Variants in ZNF331 observed in about 807,000 individuals in gnomAD.
ZNF331 encodes the protein zinc finger protein 331.
Under a neutral mutation model 7.0 loss-of-function variants are expected in ZNF331, and 2 were observed. That is an observed-to-expected ratio of 0.29 (90% CI 0.12 to 0.90). The LOEUF (loss-of-function observed/expected upper bound fraction) is 0.90, where lower values mean the gene tolerates loss of function less well. Ranked by LOEUF, ZNF331 falls within the 40% of genes least tolerant of loss-of-function variation. The pLI, the probability that ZNF331 is intolerant of heterozygous loss-of-function variation, is 0.58. For missense variants in ZNF331, 432 were observed against 587.7 expected, an observed-to-expected ratio of 0.74 and a Z score of 2.74; for synonymous variants, 196 against 205.4, an observed-to-expected ratio of 0.95 and a Z score of 0.39.
At chr19:53,542,850 C>T (rs1358669897) in intron 2 of ZNF331, among the ~76,000 whole-genome samples, 1 of 152,242 alleles carries the variant, frequency 6.6e-6, no homozygotes, top group African/African-American at 2.4e-5. Flanking sequence ...GCTCTGGTTG[C>T]CTAGGCTGGA....
intron 2 of ZNF331, among the ~76,000 whole-genome samples, chr19:53,553,356 G>C (rs1170952686): frequency 6.6e-6 from 1 of 151,748 alleles, no homozygotes; most frequent in African/African-American, 2.4e-5. Context: ...ATGTCATTGT[G>C]AATGTCCTGG....
intron 2 of ZNF331, among the ~76,000 whole-genome samples, chr19:53,549,794 C>G (rs1258304951): frequency 1.3e-5 from 2 of 150,866 alleles, no homozygotes; most frequent in Admixed American, 6.6e-5. Context: ...TCCTTCCTTC[C>G]TATCTTTAGA....
rs2088011698 is a variant in ZNF331 at position 53,539,796 on chromosome 19, A to G, written c.-138+514A>G. On this transcript the variant is annotated intron_variant, in intron 2 of 5. Transcript: ENST00000449416. The surrounding 1 kb of genome is among the most constrained non-coding windows in gnomAD (Gnocchi z 6.1). Reference sequence around the variant, plus strand: ...ACATGCCCCAAAGACATTTAGACCCATTGGTCTACAATCGAAGGCTGTGTA... The same window carrying G: ...ACATGCCCCAAAGACATTTAGACCCGTTGGTCTACAATCGAAGGCTGTGTA... 6.6e-6 allele frequency among the ~76,000 whole-genome samples: 1 copy of G among 152,314 alleles called. No individual in the cohort carries two copies. The highest frequency in any genetic ancestry group is 2.1e-4 in the South Asian group (1 of 4,818).
chr19:53,554,127 A>T (rs1301744212), intron 2 of ZNF331, among the ~76,000 whole-genome samples: 2 of 152,140 alleles, frequency 1.3e-5, no homozygotes, highest in African/African-American at 4.8e-5. Context: ...GGGCCTGAGT[A>T]GGGCATTCGC....
At chr19:53,555,462 T>C (rs1015579830) in intron 2 of ZNF331, 15 of 152,686 alleles carry the variant, frequency 9.8e-5, no homozygotes, top group African/African-American at 3.6e-4. Context: ...TCTCTGCTGC[T>C]TCCCCTGCCT....
At chr19:53,551,872 C>T (rs550041985) in intron 2 of ZNF331, among the ~76,000 whole-genome samples, 5 of 152,144 alleles carry the variant, frequency 3.3e-5, no homozygotes, top group Admixed American at 2.6e-4. Flanking sequence ...CTGAAGCATT[C>T]GAGGATTTTG....
intron 2 of ZNF331, among the ~76,000 whole-genome samples, chr19:53,541,556 C>G (rs922067002): frequency 1.6e-4 from 25 of 152,278 alleles, no homozygotes; most frequent in Middle Eastern, 3.4e-3. Flanking sequence ...CTTCCCACCT[C>G]GGCCTCTCAA....
the ZNF331 span, among the ~76,000 whole-genome samples, chr19:53,506,015 C>T: frequency 5.9e-5 from 9 of 151,368 alleles, no homozygotes; most frequent in Non-Finnish European, 8.8e-5. Context: ...AAAAGTGCAG[C>T]GCAGACCATG....
In ZNF331 at chr19:53,578,487, A is replaced by G. The variant is rs2067067212; in HGVS notation, c.*535A>G. ...ACGTTCACATAATTTTATTACATAT[A>G]TTGTTACAATTGTTCTATTTTGTTA... On this transcript the variant is annotated 3_prime_UTR_variant, in exon 6 of 6. Transcript: ENST00000449416. The G allele has an allele frequency of 4.4e-6, 1 of 225,516 alleles. No homozygotes were observed. The highest frequency in any genetic ancestry group is 1.8e-4 in the South Asian group (1 of 5,684). 14.0% of individuals were successfully genotyped at this position (225,516 alleles called of 1,614,324 possible).
At chr19:53,565,820 T>C (rs760663188) in intron 3 of ZNF331, among the ~76,000 whole-genome samples, 4 of 152,064 alleles carry the variant, frequency 2.6e-5, no homozygotes, top group Non-Finnish European at 4.4e-5. Flanking sequence ...TGAGCCACCA[T>C]GGCTAGGAGT....
In ZNF331 at chr19:53,577,038, G is replaced by C. The variant is rs978857222; in HGVS notation, c.478G>C (p.Glu160Gln). The C allele has an allele frequency of 9.9e-6, 16 of 1,613,618 alleles. No individual in the cohort carries two copies. The highest frequency in any genetic ancestry group is 7.7e-5 in the South Asian group (7 of 91,060). Reference sequence around the variant, plus strand: ...AATCCATACTGGTGAGAAACCTTATGAATGTAAAGAATGTAAGAAGGCCTT... The same window carrying C: ...AATCCATACTGGTGAGAAACCTTATCAATGTAAAGAATGTAAGAAGGCCTT... Reference protein sequence around the residue: ...QKIHTGEKPYECKECKKAFRW... With the variant: ...QKIHTGEKPYQCKECKKAFRW... Residue 160 changes from glutamate to glutamine, a missense_variant, in exon 6 of 6, where the codon GAA (glutamate) becomes CAA (glutamine). By Grantham distance (29) the Glu-to-Gln change is conservative. This residue lies in a region of ZNF331 where 312 missense variants were observed against 448.6 expected (regional missense o/e 0.70). Transcript: ENST00000449416.
chr19:53,559,862 TACAC>T (rs1368666067), intron 3 of ZNF331, among the ~76,000 whole-genome samples: 8 of 150,164 alleles, frequency 5.3e-5, no homozygotes, highest in East Asian at 2.0e-4. Context: ...ATACATACCA[TACAC>T]ACACGAGCAT....
upstream of ZNF331, among the ~76,000 whole-genome samples, chr19:53,519,830 C>T (rs1279135401): frequency 6.6e-6 from 1 of 152,146 alleles, no homozygotes; most frequent in African/African-American, 2.4e-5. Flanking sequence ...GCTCCCCAAT[C>T]TACTGGGGGG....
At chr19:53,527,183 T>C (rs1426530023) in intron 2 of ZNF331, among the ~76,000 whole-genome samples, 1 of 150,336 alleles carries the variant, frequency 6.7e-6, no homozygotes, top group Non-Finnish European at 1.5e-5. Flanking sequence ...TCTTAAAAAA[T>C]AAAAAAAAGG....
At chr19:53,543,388 G>C (rs8108853) in intron 2 of ZNF331, among the ~76,000 whole-genome samples, 3,215 of 152,180 alleles carry the variant, frequency 0.021, 115 homozygotes, top group African/African-American at 0.075. Context: ...TCAACCTCCT[G>C]AGTAGCTGGG....
At chr19:53,566,366 C>T (rs937226834) in intron 3 of ZNF331, among the ~76,000 whole-genome samples, 16 of 152,080 alleles carry the variant, frequency 1.1e-4, no homozygotes, top group Non-Finnish European at 1.5e-4. Flanking sequence ...GATCTCGGCT[C>T]GCTGCAACCT....
Position 53,576,678 on chromosome 19 carries a change from A to G in ZNF331, c.137-19A>G, listed in dbSNP as rs564775772. On this transcript the variant is annotated intron_variant, in intron 5 of 5. Coordinates refer to ENST00000449416, the MANE Select transcript of ZNF331 (RefSeq NM_001079906.2). ...CTTGTGTCCCTCTAAAGGAAAGAAA[A>G]TATGTTCTTTTTTCCCAGATTTGGA... 6.3e-7 allele frequency: 1 copy of G among 1,581,840 alleles called. No individual in the cohort carries two copies. The highest frequency in any genetic ancestry group is 1.4e-5 in the African/African-American group (1 of 73,268).
upstream of ZNF331, among the ~76,000 whole-genome samples, chr19:53,518,033 G>C (rs1369980191): frequency 6.6e-6 from 1 of 152,226 alleles, no homozygotes; most frequent in East Asian, 1.9e-4. Context: ...GTATCTGTGA[G>C]GGTGTTGCCA....
At chr19:53,576,342 T>C (rs1216706659) in intron 5 of ZNF331, among the ~76,000 whole-genome samples, 1 of 152,252 alleles carries the variant, frequency 6.6e-6, no homozygotes, top group Non-Finnish European at 1.5e-5. Flanking sequence ...AGTTTCAGAA[T>C]GCTTTACACA....
Sources: gnomAD v4.1 joint callset for allele counts (sites outside exome capture counted in the v4.1 genomes callset) on GRCh38, gnomAD v4.1.1 for gene constraint, gnomAD v4.1.1 regional missense constraint, Gnocchi (gnomAD v3.1) non-coding constraint, MANE v1.5 for transcripts, NCBI Gene and HGNC (gene_info 2026-07-23, HGNC 2026-07-21) for gene names.